The following ST18 variants were observed in gnomAD, a reference collection of about 807,000 sequenced individuals.
ST18 encodes suppression of tumorigenicity 18 protein.
A neutral mutation model predicts 110.0 loss-of-function variants in ST18; 50 were observed. The ratio of observed to expected loss-of-function variants is 0.45; its 90% CI spans 0.36 to 0.58. The LOEUF is 0.58. Ranked by LOEUF, ST18 falls within the 20% of genes least tolerant of loss-of-function variation. The pLI is 0.00. For missense variants in ST18, 1,306 were observed against 1,280.1 expected (o/e 1.02, Z -0.31); for synonymous variants, 461 against 452.4 (o/e 1.02, Z -0.24).
intron 8 of ST18, among the ~76,000 whole-genome samples, chr8:52,184,983 G>A (rs1355577083): frequency 6.6e-6 from 1 of 151,980 alleles, no homozygotes; most frequent in Non-Finnish European, 1.5e-5. Context: ...AAGAAACAAA[G>A]TAACAAAGGT....
intron 2 of ST18, among the ~76,000 whole-genome samples, chr8:52,254,708 G>A (rs1197795508): frequency 2.6e-5 from 4 of 152,154 alleles, no homozygotes; most frequent in Non-Finnish European, 5.9e-5. Flanking sequence ...AATGGAAGTG[G>A]TGCTTATTAA....
intron 2 of ST18, among the ~76,000 whole-genome samples, chr8:52,291,633 A>G (rs776662283): frequency 2.2e-4 from 33 of 152,172 alleles, no homozygotes; most frequent in Non-Finnish European, 4.3e-4. Flanking sequence ...TCTTCTTTTG[A>G]TTTAGAAAAA....
At chr8:52,243,431 T>A (rs2093601486) in intron 2 of ST18, among the ~76,000 whole-genome samples, 1 of 152,200 alleles carries the variant, frequency 6.6e-6, no homozygotes, top group Admixed American at 6.5e-5. Context: ...CAGTGTCATT[T>A]GACACTATAT....
At chr8:52,371,133 A>T (rs1433353123) in intron 2 of ST18, among the ~76,000 whole-genome samples, 1 of 152,182 alleles carries the variant, frequency 6.6e-6, no homozygotes, top group African/African-American at 2.4e-5. Context: ...TGTGCAATTC[A>T]CTACTGGGCA....
intron 23 of ST18, among the ~76,000 whole-genome samples, chr8:52,120,222 A>G (rs1337047970): frequency 6.6e-6 from 1 of 152,234 alleles, no homozygotes; most frequent in Admixed American, 6.5e-5. Flanking sequence ...TGGATTCTCA[A>G]TGAAACAGGT....
chr8:52,214,136 A>T, intron 7 of ST18, 67 bp downstream of exon 7: 1 of 1,503,488 alleles, frequency 6.7e-7, no homozygotes, highest in Middle Eastern at 1.7e-4. Context: ...CGAGGGACTG[A>T]GCACTGGAAC....
At chr8:52,170,010 A>C (rs2064266962) in intron 10 of ST18, among the ~76,000 whole-genome samples, 2 of 152,250 alleles carry the variant, frequency 1.3e-5, no homozygotes, top group African/African-American at 4.8e-5. Flanking sequence ...AGGATCATCA[A>C]ATACTTTAAG....
chr8:52,133,025 G>T (rs965591896), intron 21 of ST18, 32 bp downstream of exon 21: 1 of 1,610,424 alleles, frequency 6.2e-7, no homozygotes, highest in African/African-American at 1.3e-5. Context: ...ACAAGAGACA[G>T]CTGACCCCCA....
chr8:52,408,817 T>C (rs1346376683), intron 2 of ST18, among the ~76,000 whole-genome samples: 2 of 152,230 alleles, frequency 1.3e-5, no homozygotes, highest in Non-Finnish European at 2.9e-5. Context: ...ATAGCATGCA[T>C]ATGTTGCAGG....
chr8:52,404,645 C>T (rs1405556668), intron 2 of ST18: 1 of 152,142 alleles, frequency 6.6e-6, no homozygotes, highest in Non-Finnish European at 1.5e-5. Flanking sequence ...CCTCACTGCC[C>T]CCTGAGCATT....
chr8:52,164,946 A>C (rs1041780347), intron 12 of ST18, among the ~76,000 whole-genome samples, 189 bp downstream of exon 12: 7 of 152,198 alleles, frequency 4.6e-5, no homozygotes, highest in Non-Finnish European at 7.3e-5. Flanking sequence ...ATTTCTAAGA[A>C]AGGAAATGAT....
chr8:52,374,822 T>C (rs1273616158), intron 2 of ST18, among the ~76,000 whole-genome samples: 3 of 152,208 alleles, frequency 2.0e-5, no homozygotes, highest in African/African-American at 4.8e-5. Context: ...CTGAGGATAA[T>C]GATTTCCAGC....
chr8:52,225,294 G>A (rs978425751), intron 3 of ST18, among the ~76,000 whole-genome samples: 1 of 152,144 alleles, frequency 6.6e-6, no homozygotes, highest in Non-Finnish European at 1.5e-5. Flanking sequence ...TAACATAACT[G>A]CATTTAGATG....
intron 15 of ST18, among the ~76,000 whole-genome samples, chr8:52,157,228 T>G (rs1032631580): frequency 6.6e-6 from 1 of 152,218 alleles, no homozygotes; most frequent in Non-Finnish European, 1.5e-5. Flanking sequence ...CATCTTTGTT[T>G]GATATGTTGC....
At chr8:52,361,953 C>T (rs1825920920) in intron 2 of ST18, among the ~76,000 whole-genome samples, 1 of 151,690 alleles carries the variant, frequency 6.6e-6, no homozygotes, top group East Asian at 1.9e-4. Context: ...AATAATTTTT[C>T]TACAGGTTTT....
At chr8:52,246,917 G>C (rs1589243459) in intron 2 of ST18, among the ~76,000 whole-genome samples, 1 of 152,294 alleles carries the variant, frequency 6.6e-6, no homozygotes, top group East Asian at 1.9e-4. Flanking sequence ...AGAAAAGTTA[G>C]AGAACTTATC....
intron 8 of ST18, among the ~76,000 whole-genome samples, chr8:52,184,277 G>A (rs1284232314): frequency 6.6e-6 from 1 of 152,128 alleles, no homozygotes; most frequent in African/African-American, 2.4e-5. Flanking sequence ...TGCATTTATT[G>A]TTCTATTCAA....
intron 22 of ST18, 109 bp from the exon 23 acceptor site, chr8:52,126,249 C>T (rs2047023472): frequency 2.7e-5 from 27 of 1,018,382 alleles, no homozygotes; most frequent in Non-Finnish European, 3.9e-5. Context: ...CGATTAATTA[C>T]ATTATAACCC....
intron 2 of ST18, among the ~76,000 whole-genome samples, chr8:52,281,094 G>C (rs1189073213): frequency 6.6e-6 from 1 of 152,026 alleles, no homozygotes; most frequent in Non-Finnish European, 1.5e-5. Flanking sequence ...CATAAAGCTC[G>C]TGGTAATTAG....
Sources: allele counts gnomAD v4.1 joint callset (sites outside exome capture counted in the v4.1 genomes callset), GRCh38; gene constraint gnomAD v4.1.1; transcripts MANE v1.5; gene names NCBI Gene and HGNC (gene_info 2026-07-23, HGNC 2026-07-21).